The following TEX9 variants were observed in gnomAD, a reference collection of about 807,000 sequenced individuals.
TEX9 encodes testis expressed 9, also known as testis-expressed protein 9.
Under a neutral mutation model 59.6 loss-of-function variants are expected in TEX9, and 74 were observed. That is an observed-to-expected ratio of 1.24 (90% CI 1.03 to 1.51). The LOEUF is 1.51. TEX9 is among the 40% of genes most tolerant of loss of function. The pLI, the probability that TEX9 is intolerant of heterozygous loss-of-function variation, is 0.00. For missense variants in TEX9, 522 were observed against 447.8 expected (o/e 1.17, Z -1.49); for synonymous variants, 186 against 152.2 (o/e 1.22, Z -1.64).
intron 1 of TEX9, among the ~76,000 whole-genome samples, chr15:56,328,618 A>T (rs1402205713): frequency 6.6e-6 from 1 of 152,216 alleles, no homozygotes. Flanking sequence ...CCTTGGACTT[A>T]AAGTGAATAT....
chr15:56,341,159 G>C (rs2046364991), intron 1 of TEX9, among the ~76,000 whole-genome samples: 1 of 152,252 alleles, frequency 6.6e-6, no homozygotes, highest in South Asian at 2.1e-4. Flanking sequence ...AAGAGATTTA[G>C]TTTTTATACC....
intron 1 of TEX9, among the ~76,000 whole-genome samples, chr15:56,293,229 C>G (rs1371304898): frequency 6.6e-6 from 1 of 151,980 alleles, no homozygotes; most frequent in Non-Finnish European, 1.5e-5. Context: ...CTCAGGTACT[C>G]AGGAGGTTGA....
At chr15:56,439,396 G>A (rs1438664263) in intron 12 of TEX9, among the ~76,000 whole-genome samples, 1 of 151,860 alleles carries the variant, frequency 6.6e-6, no homozygotes, top group East Asian at 1.9e-4. Flanking sequence ...TATTTATAGA[G>A]ACAAGATTCT....
chr15:56,382,453 C>A (rs1810914505), intron 3 of TEX9, among the ~76,000 whole-genome samples: 2 of 152,200 alleles, frequency 1.3e-5, no homozygotes, highest in Admixed American at 6.5e-5. Flanking sequence ...GCCACTACAA[C>A]TGGGAATGTG....
chr15:56,276,276 A>C (rs1190690804), intron 1 of TEX9, among the ~76,000 whole-genome samples: 1 of 151,876 alleles, frequency 6.6e-6, no homozygotes, highest in Non-Finnish European at 1.5e-5. Context: ...CCCATCATCT[A>C]GGTTTTAAAC....
At chr15:56,280,575 A>T (rs1173879641) in intron 1 of TEX9, among the ~76,000 whole-genome samples, 1 of 152,242 alleles carries the variant, frequency 6.6e-6, no homozygotes, top group Admixed American at 6.5e-5. Flanking sequence ...AGTCAAGATT[A>T]TGCCTATTCT....
At position 56,429,275 on chromosome 15, in the gene TEX9, T is replaced by A. The variant is rs78929495; in HGVS notation, c.*29+802T>A. 27 of 842,248 alleles carry A rather than the reference T, an allele frequency of 3.2e-5. No individual in the cohort carries two copies. The East Asian group carries it at 6.9e-4, about 21-fold the overall frequency. 52.2% of individuals were successfully genotyped at this position (842,248 alleles called of 1,614,324 possible). A position where few individuals can be genotyped will look rare whatever the true frequency, so the allele number is the denominator to read the frequency against. The stretch of plus-strand genomic sequence containing the variant: ...CTTTTAAGACTGACAGACATAAGAT[T>A]AGTAAAGTTATCTCCAAGGTAATGA... On this transcript the variant is annotated intron_variant, in intron 12 of 12. Transcript: ENST00000352903.
chr15:56,290,181 G>A (rs1397477611), intron 1 of TEX9, among the ~76,000 whole-genome samples: 5 of 152,098 alleles, frequency 3.3e-5, no homozygotes, highest in African/African-American at 1.2e-4. Context: ...TTCCAATGTA[G>A]TTCAAAAGCA....
chr15:56,440,367 G>A (rs1240798241), intron 12 of TEX9, among the ~76,000 whole-genome samples: 1 of 152,156 alleles, frequency 6.6e-6, no homozygotes, highest in Non-Finnish European at 1.5e-5. Flanking sequence ...ATTTCTGATG[G>A]GAATGTTAAA....
At chr15:56,305,332 CA>C (rs1440956601) in intron 1 of TEX9, among the ~76,000 whole-genome samples, 1 of 151,962 alleles carries the variant, frequency 6.6e-6, no homozygotes, top group Non-Finnish European at 1.5e-5. Context: ...TCACCTTGAG[CA>C]AAATGAACAA....
intron 10 of TEX9, among the ~76,000 whole-genome samples, chr15:56,415,050 T>A (rs1359141552): frequency 6.6e-6 from 1 of 151,816 alleles, no homozygotes; most frequent in Non-Finnish European, 1.5e-5. Flanking sequence ...TTGAGACGTG[T>A]CTGTTCTTGT....
chr15:56,266,167 C>T (rs1412280367), intron 1 of TEX9, among the ~76,000 whole-genome samples: 1 of 151,604 alleles, frequency 6.6e-6, no homozygotes, highest in African/African-American at 2.4e-5. Flanking sequence ...CACTCTGTCT[C>T]CCAGGCTGGA....
At chr15:56,436,680 A>C (rs1368630361) in intron 12 of TEX9, among the ~76,000 whole-genome samples, 3 of 152,184 alleles carry the variant, frequency 2.0e-5, no homozygotes, top group Non-Finnish European at 4.4e-5. Context: ...TGGTTTTCTG[A>C]GAAGATCAAC....
Position 56,274,140 on chromosome 15 carries a change from C to G in TEX9, c.-107+29862C>G, listed in dbSNP as rs535203789. Among the ~76,000 whole-genome samples, 6 of 152,168 alleles carry G rather than the reference C, an allele frequency of 3.9e-5. No individual in the cohort carries two copies. In the South Asian group the frequency reaches 1.2e-3, roughly 32 times the overall value. ...TAGGGTAGACCGTTTGATATGATACCACAGCTCTTGGGTGCTCTGAGCCGT... is the reference window on the plus strand; with the variant it reads ...TAGGGTAGACCGTTTGATATGATACGACAGCTCTTGGGTGCTCTGAGCCGT... On this transcript the variant is annotated intron_variant, in intron 1 of 5. Transcript: ENST00000560827.
At chr15:56,421,024 T>A (rs1008590518) in intron 10 of TEX9, among the ~76,000 whole-genome samples, 1 of 151,856 alleles carries the variant, frequency 6.6e-6, no homozygotes, top group African/African-American at 2.4e-5. Flanking sequence ...CTGTATTTGT[T>A]AGGTGGAGTA....
upstream of TEX9, among the ~76,000 whole-genome samples, chr15:56,365,096 G>T (rs768337769): frequency 6.6e-6 from 1 of 152,202 alleles, no homozygotes; most frequent in Non-Finnish European, 1.5e-5. Context: ...GTGAAGGTCG[G>T]ATTAGCCACT....
Position 56,365,684 on chromosome 15 carries a change from C to A in TEX9, c.119+14C>A. On this transcript the variant is annotated intron_variant, in intron 2 of 12. Coordinates refer to ENST00000352903, the Ensembl canonical transcript of TEX9. ...GGAAGAATATAAGTAAGAAATTCGG[C>A]GGTTGAACTTTTCCTTCTTTCTTTC... The A allele has an allele frequency of 6.2e-7, 1 of 1,613,672 alleles. No homozygotes were observed. Among genetic ancestry groups the A allele is most frequent in the Non-Finnish European group, 8.5e-7 (1 of 1,179,832 alleles).
At chr15:56,369,813 C>A (rs1003430645) in intron 2 of TEX9, among the ~76,000 whole-genome samples, 1 of 152,118 alleles carries the variant, frequency 6.6e-6, no homozygotes, top group Admixed American at 6.5e-5. Flanking sequence ...GGTATCCTCA[C>A]CTTTTTTCTT....
chr15:56,244,548 C>G (rs888838774), intron 1 of TEX9, among the ~76,000 whole-genome samples: 4 of 152,104 alleles, frequency 2.6e-5, no homozygotes, highest in Non-Finnish European at 5.9e-5. Context: ...TTCCTTCGTG[C>G]CTTTGCTCAT....
Sources: allele counts gnomAD v4.1 joint callset (sites outside exome capture counted in the v4.1 genomes callset), GRCh38; gene constraint gnomAD v4.1.1; transcripts MANE v1.5; gene names NCBI Gene and HGNC (gene_info 2026-07-23, HGNC 2026-07-21).